Variants in ITGB8 observed in about 807,000 individuals in gnomAD.
The protein encoded by ITGB8 is integrin beta-8.
A neutral mutation model predicts 89.5 loss-of-function variants in ITGB8; 30 were observed. That is an observed-to-expected ratio of 0.34 (90% confidence interval 0.25 to 0.45). ITGB8 has a LOEUF of 0.45. Among genes scored for constraint, ITGB8 ranks in the 20% least tolerant of loss-of-function variants. The pLI is 1.00. For synonymous variants in ITGB8, 335 were observed against 320.4 expected, an observed-to-expected ratio of 1.05 and a Z score of -0.49; for missense variants, 836 against 933.3, an observed-to-expected ratio of 0.90 and a Z score of 1.36.
rs560215035 is a variant in ITGB8, at chr7:20,409,414, A to T, written c.2024-201A>T. Among the ~76,000 whole-genome samples the T allele has an allele frequency of 2.6e-5, 4 of 152,346 alleles. No individual in the cohort carries two copies. The East Asian group carries it at 7.7e-4, about 29-fold the overall frequency. ...TTCCCAAAGGAGGGTTTTCTATTGA[A>T]AATATTTTCATAGTAAACGCGCAAG... On this transcript the variant is annotated intron_variant, in intron 12 of 13. Coordinates refer to ENST00000222573, the MANE Select transcript of ITGB8 (RefSeq NM_002214.3).
chr7:20,351,161 T>C (rs181767330), intron 1 of ITGB8, among the ~76,000 whole-genome samples: 2 of 152,364 alleles, frequency 1.3e-5, no homozygotes, highest in East Asian at 3.9e-4. Flanking sequence ...CTACTTGTAT[T>C]AAAGAATTTT....
At chr7:20,337,343 T>TA (rs1167533216) in intron 1 of ITGB8, among the ~76,000 whole-genome samples, 6 of 152,140 alleles carry the variant, frequency 3.9e-5, no homozygotes, top group African/African-American at 9.7e-5. Context: ...AAAAAATTAA[T>TA]AAAAAATCCA....
intron 1 of ITGB8, among the ~76,000 whole-genome samples, chr7:20,341,749 C>A (rs1335920627): frequency 6.6e-6 from 1 of 152,146 alleles, no homozygotes; most frequent in Non-Finnish European, 1.5e-5. Context: ...CAGCATAGCA[C>A]TGATGCCAGA....
chr7:20,401,270 C>T (rs769464626), intron 9 of ITGB8, among the ~76,000 whole-genome samples: 9 of 152,262 alleles, frequency 5.9e-5, no homozygotes, highest in African/African-American at 9.6e-5. Context: ...TGAGCCACCA[C>T]GCCAGGCCTC....
chr7:20,381,608 G>A lies in ITGB8; in HGVS notation c.802-119G>A, dbSNP rs1403875625. 10 of 691,604 alleles carry A rather than the reference G, an allele frequency of 1.4e-5. No individual in the cohort carries two copies. In the East Asian group the frequency reaches 2.1e-4, roughly 15 times the overall value. 42.8% of individuals were successfully genotyped at this position (691,604 alleles called of 1,614,324 possible). A position where few individuals can be genotyped will look rare whatever the true frequency, so the allele number is the denominator to read the frequency against. On this transcript the variant is annotated intron_variant, in intron 5 of 13. Transcript: ENST00000222573. Reference sequence around the variant, plus strand: ...ATTTACGCAGCAGCGTTGTACCCACGCACATCGTTCTAGCCTGACTTACTG... The same window carrying A: ...ATTTACGCAGCAGCGTTGTACCCACACACATCGTTCTAGCCTGACTTACTG...
At chr7:20,406,953 T>C (rs1048172710) in intron 12 of ITGB8, among the ~76,000 whole-genome samples, 2 of 151,666 alleles carry the variant, frequency 1.3e-5, no homozygotes, top group East Asian at 1.9e-4. Context: ...TAAAAGCAGA[T>C]CATCATTACT....
At chr7:20,351,976 G>A (rs1032713105) in intron 1 of ITGB8, among the ~76,000 whole-genome samples, 1 of 152,152 alleles carries the variant, frequency 6.6e-6, no homozygotes, top group African/African-American at 2.4e-5. Flanking sequence ...GTGTTAGATT[G>A]AAAACATTAT....
chr7:20,359,119 G>A (rs1041518481), intron 1 of ITGB8, among the ~76,000 whole-genome samples: 1 of 152,110 alleles, frequency 6.6e-6, no homozygotes, highest in African/African-American at 2.4e-5. Flanking sequence ...CCATTGAAGG[G>A]CACCTAGGTT....
intron 9 of ITGB8, 134 bp from the exon 10 acceptor site, chr7:20,401,586 AC>A (rs1787311570): frequency 1.8e-6 from 1 of 543,772 alleles, no homozygotes; most frequent in Non-Finnish European, 3.1e-6. Context: ...GAAAGAGATT[AC>A]ATGTGTTTCT....
At position 20,415,396 on chromosome 7, in the gene ITGB8, A is replaced by G. The variant is rs1243291121; in HGVS notation, c.*5399A>G. On this transcript the variant is annotated 3_prime_UTR_variant, in exon 14 of 14. Coordinates refer to ENST00000222573, the MANE Select transcript of ITGB8 (RefSeq NM_002214.3). ...AATATAGAATATATTTTTAAATTAA[A>G]TATTTGAATATAAAATAGCTCTAAG... The G allele has an allele frequency of 1.3e-5, 2 of 152,208 alleles. No individual in the cohort carries two copies. The highest frequency in any genetic ancestry group is 2.9e-5 in the Non-Finnish European group (2 of 67,874). 9.4% of individuals were successfully genotyped at this position (152,208 alleles called of 1,614,324 possible). A position where few individuals can be genotyped will look rare whatever the true frequency, so the allele number is the denominator to read the frequency against.
intron 1 of ITGB8, among the ~76,000 whole-genome samples, chr7:20,333,682 T>A (rs1199275052): frequency 6.6e-6 from 1 of 152,196 alleles, no homozygotes; most frequent in Non-Finnish European, 1.5e-5. Context: ...ATATTATGAA[T>A]GGGCCTACTT....
intron 1 of ITGB8, among the ~76,000 whole-genome samples, chr7:20,335,397 C>T (rs373765526): frequency 2.0e-5 from 3 of 152,050 alleles, no homozygotes; most frequent in African/African-American, 7.3e-5. Context: ...CTTTTTGATA[C>T]GCATGTATAT....
chr7:20,380,636 A>G, intron 4 of ITGB8, 30 bp from the exon 5 acceptor site: 1 of 1,590,834 alleles, frequency 6.3e-7, no homozygotes, highest in Non-Finnish European at 8.6e-7. Flanking sequence ...AGAGCAAAAT[A>G]AACTTTACAC....
chr7:20,371,098 T>C (rs891418675), intron 3 of ITGB8, among the ~76,000 whole-genome samples: 3 of 152,212 alleles, frequency 2.0e-5, no homozygotes, highest in African/African-American at 7.2e-5. Context: ...ATTTTTGGAA[T>C]TGATGTATTT....
Position 20,359,341 on chromosome 7 carries a change from G to A in ITGB8, c.128-4296G>A, listed in dbSNP as rs79220912. Reference sequence around the variant, plus strand: ...TAATCCTTATTAAAATGCAGTGTTCGAATATAAAGAATAAGGTGCATATTG... The same window carrying A: ...TAATCCTTATTAAAATGCAGTGTTCAAATATAAAGAATAAGGTGCATATTG... On this transcript the variant is annotated intron_variant, in intron 1 of 13. Transcript: ENST00000222573. 6.1e-4 allele frequency among the ~76,000 whole-genome samples: 93 copies of A among 152,276 alleles called. 1 individual carries two copies. The highest frequency in any genetic ancestry group is 7.8e-4 in the Non-Finnish European group (53 of 68,020).
rs759304002 is a variant in ITGB8, at chr7:20,386,405, ATTTTTTTTTTT to A, written c.960+4535_960+4545del. On this transcript the variant is annotated intron_variant, in intron 6 of 13. Transcript: ENST00000222573. ...AGGCGCGTGCCACCACACCTGGCTA[ATTTTTTTTTTT>A]TTTTTTTTTTTTTTGGATTTTTTAG... Among the ~76,000 whole-genome samples the A allele has an allele frequency of 2.7e-3, 215 of 80,376 alleles. 2 individuals are homozygous for A. Among genetic ancestry groups the A allele is most frequent in the Admixed American group, 0.022 (143 of 6,648 alleles). The allele number at this position is 80,376 out of a possible 152,430, so 52.7% of individuals were successfully genotyped here. A position where few individuals can be genotyped will look rare whatever the true frequency, so the allele number is the denominator to read the frequency against.
rs1023713484 is a variant in ITGB8 at position 20,346,787 on chromosome 7, C to T, written c.127+14854C>T. The T allele has an allele frequency of 3.0e-6, 3 of 985,146 alleles. No individual in the cohort carries two copies. The African/African-American group carries it at 5.2e-5, about 17-fold the overall frequency. 61.0% of individuals were successfully genotyped at this position (985,146 alleles called of 1,614,324 possible). On this transcript the variant is annotated intron_variant, in intron 1 of 13. Coordinates refer to ENST00000222573, the MANE Select transcript of ITGB8 (RefSeq NM_002214.3). ...TTATACCTGAAGGGGGCTCCACAGG[C>T]AGAGAGGAGGCATGTACATTGACCA...
At chr7:20,357,126 A>T (rs753333771) in intron 1 of ITGB8, among the ~76,000 whole-genome samples, 1 of 152,172 alleles carries the variant, frequency 6.6e-6, no homozygotes, top group Non-Finnish European at 1.5e-5. Flanking sequence ...GAAATAATTT[A>T]AAAATTGTTC....
chr7:20,382,624 C>G (rs552082858), intron 6 of ITGB8, among the ~76,000 whole-genome samples: 127 of 152,274 alleles, frequency 8.3e-4, no homozygotes, highest in African/African-American at 3.0e-3. Context: ...AGACCCTAGT[C>G]TCTCAGTGAT....
Sources: allele counts gnomAD v4.1 joint callset (sites outside exome capture counted in the v4.1 genomes callset), GRCh38; gene constraint gnomAD v4.1.1; transcripts MANE v1.5; gene names NCBI Gene and HGNC (gene_info 2026-07-23, HGNC 2026-07-21).